COL8A1: variants seen among roughly 807,000 people sequenced by gnomAD.
The protein encoded by COL8A1 is collagen type VIII alpha 1 chain, also known as collagen alpha-1(VIII) chain.
A neutral mutation model predicts 42.7 loss-of-function variants in COL8A1; 21 were observed. That is an observed-to-expected ratio of 0.49 (90% CI 0.35 to 0.71). The LOEUF (loss-of-function observed/expected upper bound fraction) is 0.71, where lower values mean the gene tolerates loss of function less well. Among genes scored for constraint, COL8A1 ranks in the 30% least tolerant of loss-of-function variants. The pLI, the probability that COL8A1 is intolerant of heterozygous loss-of-function variation, is 0.01. For synonymous variants in COL8A1, 367 were observed against 369.1 expected, an observed-to-expected ratio of 0.99 and a Z score of 0.06; for missense variants, 788 against 962.4, an observed-to-expected ratio of 0.82 and a Z score of 2.40.
At chr3:99,719,724 A>G (rs1940095218) in intron 1 of COL8A1, among the ~76,000 whole-genome samples, 1 of 152,172 alleles carries the variant, frequency 6.6e-6, no homozygotes, top group Non-Finnish European at 1.5e-5. Flanking sequence ...TGGTGACTTC[A>G]TTTAAATGAA....
chr3:99,686,181 A>G (rs1939045947), intron 1 of COL8A1, among the ~76,000 whole-genome samples: 1 of 152,220 alleles, frequency 6.6e-6, no homozygotes. Flanking sequence ...CCTCAAAATA[A>G]TAATAGAACC....
At chr3:99,731,729 T>C (rs1940515639) in intron 1 of COL8A1, among the ~76,000 whole-genome samples, 2 of 152,144 alleles carry the variant, frequency 1.3e-5, no homozygotes, top group Admixed American at 6.6e-5. Context: ...TCTCAAGATC[T>C]GACTATGGTA....
intron 2 of COL8A1, among the ~76,000 whole-genome samples, chr3:99,761,104 A>G (rs958111433): frequency 6.6e-6 from 1 of 152,222 alleles, no homozygotes; most frequent in African/African-American, 2.4e-5. Flanking sequence ...CTCCAGAACT[A>G]TACCCACATG....
At chr3:99,767,010 T>G (rs1357251502) in intron 2 of COL8A1, among the ~76,000 whole-genome samples, 3 of 152,176 alleles carry the variant, frequency 2.0e-5, no homozygotes, top group Admixed American at 6.6e-5. Flanking sequence ...CATCACAAAT[T>G]TGTATAAAGC....
intron 1 of COL8A1, among the ~76,000 whole-genome samples, chr3:99,723,168 A>G (rs970115829): frequency 1.3e-5 from 2 of 152,082 alleles, no homozygotes; most frequent in Non-Finnish European, 2.9e-5. Flanking sequence ...AAAAAGAGGA[A>G]ATGAATTTAA....
intron 2 of COL8A1, among the ~76,000 whole-genome samples, chr3:99,769,503 G>C (rs1941536758): frequency 6.6e-6 from 1 of 152,230 alleles, no homozygotes; most frequent in African/African-American, 2.4e-5. Context: ...ACAGTGTCCT[G>C]TCATTAAAGC....
chr3:99,772,134 A>C (rs940280057), intron 2 of COL8A1, among the ~76,000 whole-genome samples: 19 of 152,230 alleles, frequency 1.2e-4, no homozygotes, highest in African/African-American at 4.6e-4. Context: ...AGACAATGGA[A>C]TATTATTGAG....
intron 1 of COL8A1, among the ~76,000 whole-genome samples, chr3:99,645,837 A>G (rs1025738457): frequency 5.3e-5 from 8 of 152,156 alleles, no homozygotes; most frequent in Non-Finnish European, 5.9e-5. Context: ...GTTCTTTCCA[A>G]GGCTACCACC....
chr3:99,674,443 T>C (rs1938632263), intron 1 of COL8A1, among the ~76,000 whole-genome samples: 1 of 149,228 alleles, frequency 6.7e-6, no homozygotes, highest in South Asian at 2.1e-4. Flanking sequence ...GTCTCCTTTT[T>C]TAAAAAAAAA....
chr3:99,669,868 G>C (rs191221853), intron 1 of COL8A1, among the ~76,000 whole-genome samples: 5 of 152,052 alleles, frequency 3.3e-5, no homozygotes, highest in African/African-American at 1.2e-4. Context: ...GGGTGGGCTT[G>C]GGAGGAGAAA....
chr3:99,646,110 C>T (rs1263088706), intron 1 of COL8A1, among the ~76,000 whole-genome samples: 1 of 152,188 alleles, frequency 6.6e-6, no homozygotes, highest in African/African-American at 2.4e-5. Flanking sequence ...AAGTGAATAC[C>T]TTTCTGTTGA....
intron 1 of COL8A1, among the ~76,000 whole-genome samples, chr3:99,667,314 G>A (rs1023785310): frequency 6.6e-6 from 1 of 152,128 alleles, no homozygotes; most frequent in African/African-American, 2.4e-5. Context: ...ATAAAAAATA[G>A]CATACCTTAA....
intron 1 of COL8A1, among the ~76,000 whole-genome samples, chr3:99,689,553 C>T (rs767817864): frequency 2.6e-5 from 4 of 152,154 alleles, no homozygotes; most frequent in Non-Finnish European, 5.9e-5. Context: ...TTGTACACTT[C>T]TTTTCATAAT....
chr3:99,777,274 C>T (rs770453337), intron 2 of COL8A1, among the ~76,000 whole-genome samples: 19 of 152,066 alleles, frequency 1.2e-4, no homozygotes, highest in African/African-American at 2.9e-4. Context: ...ATTCTATTAC[C>T]GTTTTACAGC....
At chr3:99,699,559 T>C (rs1394238115) in intron 1 of COL8A1, among the ~76,000 whole-genome samples, 2 of 152,246 alleles carry the variant, frequency 1.3e-5, no homozygotes, top group Non-Finnish European at 2.9e-5. Flanking sequence ...AGAGAAATTA[T>C]CTAAGAGCTT....
At chr3:99,701,156 T>C (rs1376310342) in intron 1 of COL8A1, among the ~76,000 whole-genome samples, 1 of 152,196 alleles carries the variant, frequency 6.6e-6, no homozygotes, top group Non-Finnish European at 1.5e-5. Context: ...CTGAGGCAAC[T>C]GGGAAACACA....
chr3:99,705,116 A>G (rs564614724), intron 1 of COL8A1, among the ~76,000 whole-genome samples: 2 of 152,274 alleles, frequency 1.3e-5, no homozygotes, highest in African/African-American at 4.8e-5. Flanking sequence ...TCTGGCCTAT[A>G]TGTTGTTCTC....
intron 1 of COL8A1, among the ~76,000 whole-genome samples, chr3:99,712,082 T>G (rs1939850756): frequency 6.6e-6 from 1 of 152,136 alleles, no homozygotes; most frequent in Non-Finnish European, 1.5e-5. Flanking sequence ...TGGAAAGCAA[T>G]AAAGTCATAC....
chr3:99,751,426 T>C (rs1941146070), intron 2 of COL8A1, among the ~76,000 whole-genome samples: 1 of 151,994 alleles, frequency 6.6e-6, no homozygotes, highest in South Asian at 2.1e-4. Context: ...GGTGTGGTGG[T>C]GGGTGCCTGT....
Sources: allele counts gnomAD v4.1 joint callset (sites outside exome capture counted in the v4.1 genomes callset), GRCh38; gene constraint gnomAD v4.1.1; transcripts MANE v1.5; gene names NCBI Gene and HGNC (gene_info 2026-07-23, HGNC 2026-07-21).